Variants in NBEA observed in about 807,000 individuals in gnomAD.
The protein encoded by NBEA is neurobeachin.
NBEA carries 44 observed loss-of-function variants against 343.4 expected under a neutral mutation model. The observed-to-expected ratio is 0.13, with a 90% CI of 0.10 to 0.16. The LOEUF (loss-of-function observed/expected upper bound fraction) is 0.16, where lower values mean the gene tolerates loss of function less well. Ranked by LOEUF, NBEA falls within the 10% of genes least tolerant of loss-of-function variation. NBEA has a pLI of 1.00. For synonymous variants in NBEA, 1,175 were observed against 1,238.7 expected (o/e 0.95, Z 1.08); for missense variants, 2,555 against 3,631.3 (o/e 0.70, Z 7.62).
At chr13:35,463,038 C>G (rs558982523) in intron 40 of NBEA, among the ~76,000 whole-genome samples, 1 of 152,218 alleles carries the variant, frequency 6.6e-6, no homozygotes, top group Non-Finnish European at 1.5e-5. Flanking sequence ...TAATGGAAAC[C>G]AGTGAGATCA....
At chr13:35,325,988 G>GT (rs1163682184) in intron 36 of NBEA, among the ~76,000 whole-genome samples, 5 of 152,012 alleles carry the variant, frequency 3.3e-5, no homozygotes, top group South Asian at 2.1e-4. Flanking sequence ...TTATCTCTGG[G>GT]TTTTTTATCC....
intron 33 of NBEA, among the ~76,000 whole-genome samples, chr13:35,225,048 T>C (rs1175861664): frequency 6.6e-6 from 1 of 152,162 alleles, no homozygotes; most frequent in Non-Finnish European, 1.5e-5. Context: ...TCAGAGTGTC[T>C]TACTCACTAT....
At chr13:35,088,038 T>C (rs1419287761) in intron 10 of NBEA, among the ~76,000 whole-genome samples, 1 of 151,912 alleles carries the variant, frequency 6.6e-6, no homozygotes, top group East Asian at 1.9e-4. Flanking sequence ...AAAGGTGCAG[T>C]GTTTTGGTAT....
At chr13:35,318,735 CT>C (rs1353892591) in intron 36 of NBEA, among the ~76,000 whole-genome samples, 1 of 152,010 alleles carries the variant, frequency 6.6e-6, no homozygotes, top group Non-Finnish European at 1.5e-5. Context: ...TGGTCCTGGG[CT>C]TTTTTTGTTG....
chr13:35,362,087 A>C (rs1409938271), intron 38 of NBEA, among the ~76,000 whole-genome samples: 1 of 152,020 alleles, frequency 6.6e-6, no homozygotes, highest in Non-Finnish European at 1.5e-5. Flanking sequence ...ATGGCCTGGG[A>C]AAGGTTTTAT....
chr13:35,472,622 G>A (rs2075703853), intron 41 of NBEA, 86 bp downstream of exon 41: 4 of 1,354,920 alleles, frequency 3.0e-6, no homozygotes, highest in Non-Finnish European at 4.2e-6. Flanking sequence ...CCTGACAGTG[G>A]AGGAGGGGAG....
At chr13:35,481,781 T>C (rs1196601970) in intron 41 of NBEA, among the ~76,000 whole-genome samples, 1 of 151,908 alleles carries the variant, frequency 6.6e-6, no homozygotes, top group Non-Finnish European at 1.5e-5. Flanking sequence ...AGGTATTTCC[T>C]AACCTACAAC....
chr13:35,091,023 C>T (rs1309380972), intron 10 of NBEA, among the ~76,000 whole-genome samples: 1 of 151,908 alleles, frequency 6.6e-6, no homozygotes, highest in East Asian at 1.9e-4. Flanking sequence ...GGGAGAAATC[C>T]TCTAGTTCTG....
intron 29 of NBEA, 54 bp downstream of exon 29, chr13:35,182,582 T>G: frequency 6.7e-7 from 1 of 1,498,952 alleles, no homozygotes; most frequent in Non-Finnish European, 9.1e-7. Context: ...TCTCCTTTTT[T>G]TCACCTTTAC....
chr13:35,096,766 A>G (rs1176900221), intron 10 of NBEA, among the ~76,000 whole-genome samples: 3 of 151,936 alleles, frequency 2.0e-5, no homozygotes, highest in Non-Finnish European at 4.4e-5. Flanking sequence ...GTAATATAGT[A>G]CTTAGCAATT....
intron 11 of NBEA, among the ~76,000 whole-genome samples, chr13:35,098,639 T>C (rs989787297): frequency 6.6e-6 from 1 of 152,224 alleles, no homozygotes; most frequent in Non-Finnish European, 1.5e-5. Context: ...TCTATATCTA[T>C]TCAAGCAATA....
At chr13:35,327,731 A>G (rs2038663968) in intron 36 of NBEA, among the ~76,000 whole-genome samples, 1 of 151,908 alleles carries the variant, frequency 6.6e-6, no homozygotes, top group Non-Finnish European at 1.5e-5. Flanking sequence ...ACATCATGCA[A>G]TATACCCAGG....
chr13:35,005,079 G>T (rs1354470155), intron 1 of NBEA, among the ~76,000 whole-genome samples: 4 of 152,110 alleles, frequency 2.6e-5, no homozygotes, highest in Admixed American at 2.6e-4. Context: ...ATGTGAAATG[G>T]TAAACTGTAT....
chr13:35,297,930 AACACT>A (rs2036245201), intron 35 of NBEA, among the ~76,000 whole-genome samples: 1 of 151,724 alleles, frequency 6.6e-6, no homozygotes, highest in Non-Finnish European at 1.5e-5. Context: ...TGTAACCATC[AACACT>A]ACAATGAGAA....
chr13:35,324,607 T>C (rs1418456002), intron 36 of NBEA, among the ~76,000 whole-genome samples: 1 of 152,238 alleles, frequency 6.6e-6, no homozygotes, highest in Admixed American at 6.5e-5. Flanking sequence ...ACACTCATTA[T>C]GTAGTTAGTT....
At chr13:35,545,642 T>C (rs889695881) in intron 41 of NBEA, among the ~76,000 whole-genome samples, 3 of 152,224 alleles carry the variant, frequency 2.0e-5, no homozygotes, top group African/African-American at 7.2e-5. Flanking sequence ...TGACATACCT[T>C]AGTATACATT....
At chr13:35,397,083 A>T (rs570364379) in intron 38 of NBEA, among the ~76,000 whole-genome samples, 1 of 152,294 alleles carries the variant, frequency 6.6e-6, no homozygotes, top group East Asian at 1.9e-4. Flanking sequence ...GATAAAGTAA[A>T]AATTTAATTT....
intron 55 of NBEA, among the ~76,000 whole-genome samples, chr13:35,663,924 G>A (rs1236436163): frequency 1.3e-5 from 2 of 152,196 alleles, no homozygotes; most frequent in Admixed American, 6.5e-5. Flanking sequence ...TGATGGGTCT[G>A]AGAAAATGCA....
At chr13:35,669,664 G>A (rs1265715359) in intron 58 of NBEA, among the ~76,000 whole-genome samples, 2 of 152,172 alleles carry the variant, frequency 1.3e-5, no homozygotes, top group Non-Finnish European at 2.9e-5. Context: ...GAAATGATTT[G>A]TGTTTGTAAG....
Sources: gnomAD v4.1 joint callset for allele counts (sites outside exome capture counted in the v4.1 genomes callset) on GRCh38, gnomAD v4.1.1 for gene constraint, MANE v1.5 for transcripts, NCBI Gene and HGNC (gene_info 2026-07-23, HGNC 2026-07-21) for gene names.